The following THBS2 variants were observed in gnomAD, a reference collection of about 807,000 sequenced individuals.
The protein encoded by THBS2 is thrombospondin 2.
Under a neutral mutation model 135.2 loss-of-function variants are expected in THBS2, and 47 were observed. The observed-to-expected ratio is 0.35, with a 90% CI of 0.28 to 0.44. THBS2 has a LOEUF of 0.44. Among genes scored for constraint, THBS2 ranks in the 20% least tolerant of loss-of-function variants. THBS2 has a pLI of 1.00. For synonymous variants in THBS2, 639 were observed against 633.8 expected (o/e 1.01, Z -0.12); for missense variants, 1,288 against 1,603.1 (o/e 0.80, Z 3.36).
intron 13 of THBS2, among the ~76,000 whole-genome samples, chr6:169,231,162 G>A (rs1200552296): frequency 2.0e-5 from 3 of 152,132 alleles, no homozygotes. Flanking sequence ...AGTGGAATTA[G>A]GTCAAGGACA....
Position 169,248,837 on chromosome 6 carries a change from G to T in THBS2, c.189C>A (p.Ile63=), listed in dbSNP as rs772174981. ...PAYRFVRFDY[I]PPVNADDLSK... ...TGAGGTCATCTGCGTTCACCGGTGG[G>T]ATGTAGTCAAAGCGCACGAAGCGGT... The change falls in exon 3 of 22, where the codon ATC becomes ATA. Residue 63 remains isoleucine (I), a synonymous_variant. Coordinates refer to ENST00000617924, the MANE Select transcript of THBS2 (RefSeq NM_003247.5). The T allele has an allele frequency of 1.2e-6, 2 of 1,611,230 alleles. No individual in the cohort carries two copies. Among genetic ancestry groups the T allele is most frequent in the Admixed American group, 3.3e-5 (2 of 60,026 alleles).
At chr6:169,247,614 GTA>G (rs1328969495) in intron 3 of THBS2, among the ~76,000 whole-genome samples, 2 of 152,262 alleles carry the variant, frequency 1.3e-5, no homozygotes, top group South Asian at 2.1e-4. Flanking sequence ...GTGCACGTGT[GTA>G]TGTGTGTGTT....
intron 4 of THBS2, among the ~76,000 whole-genome samples, chr6:169,245,121 C>T (rs57365564): frequency 0.024 from 3,674 of 152,320 alleles, 143 homozygotes; most frequent in African/African-American, 0.082. Context: ...CGTGTGCACA[C>T]GGCCACACCG....
At chr6:169,232,442 A>G (rs1338458094) in intron 12 of THBS2, among the ~76,000 whole-genome samples, 1 of 151,788 alleles carries the variant, frequency 6.6e-6, no homozygotes, top group African/African-American at 2.4e-5. Flanking sequence ...AACAGCGGAG[A>G]GGTGGCGGCC....
At chr6:169,222,016 G>A (rs1464356669) in intron 19 of THBS2, among the ~76,000 whole-genome samples, 181 bp downstream of exon 19, 1 of 152,222 alleles carries the variant, frequency 6.6e-6, no homozygotes, top group Admixed American at 6.5e-5. Context: ...ATTATCAACT[G>A]TGTTGAGTTG....
Position 169,241,270 on chromosome 6 carries a change from G to A in THBS2, c.891+492C>T, listed in dbSNP as rs9505930. On this transcript the variant is annotated intron_variant, in intron 5 of 21. Transcript: ENST00000617924. This position sits in a 1 kb window ranked among gnomAD's most constrained non-coding sequence, Gnocchi z 5.5. ...GCCCGTCCTGAGCCCCGCAGGCATCGCTCTCTCTTCCTGGCCGCGCTGTGC... is the reference window on the plus strand; with the variant it reads ...GCCCGTCCTGAGCCCCGCAGGCATCACTCTCTCTTCCTGGCCGCGCTGTGC... 6.6e-6 allele frequency among the ~76,000 whole-genome samples: 1 copy of A among 152,176 alleles called. No homozygotes were observed. The highest frequency in any genetic ancestry group is 1.5e-5 in the Non-Finnish European group (1 of 68,002).
At position 169,234,173 on chromosome 6, in the gene THBS2, C is replaced by G. The variant is rs1779950465; in HGVS notation, c.1651+561G>C. On this transcript the variant is annotated intron_variant, in intron 10 of 21. Transcript: ENST00000617924. ...AACTACATATTCCAGACCACACAAC[C>G]ACCCAGATGCCACAGTCCACACCAC... 1.3e-5 allele frequency among the ~76,000 whole-genome samples: 2 copies of G among 150,954 alleles called. 1 individual carries two copies. The highest frequency in any genetic ancestry group is 3.0e-5 in the Non-Finnish European group (2 of 67,678).
At chr6:169,232,518 A>AGGTGCTCAGCTTCCCCGGGCC in intron 12 of THBS2, 146 bp downstream of exon 12, 1 of 1,352,716 alleles carries the variant, frequency 7.4e-7, no homozygotes, top group African/African-American at 1.5e-5. Context: ...CCAGCCGAGC[A>AGGTGCTCAGCTTCCCCGGGCC]GGTGCTCAGC....
intron 1 of THBS2, among the ~76,000 whole-genome samples, chr6:169,251,820 T>A (rs1780763237): frequency 1.6e-5 from 1 of 62,058 alleles, no homozygotes. Context: ...CCCACCCATC[T>A]GCTGCTGGGA....
Position 169,232,002 on chromosome 6 carries a change from T to C in THBS2, c.2129A>G (p.Asn710Ser). Residue 710 changes from asparagine (N) to serine (S), a missense_variant, in exon 13 of 22, where the codon AAC (asparagine) becomes AGC (serine). By Grantham distance (46) the Asn-to-Ser change is conservative. This residue lies in a region of THBS2 where 874 missense variants were observed against 1,156.1 expected (regional missense o/e 0.76). Coordinates refer to ENST00000617924, the MANE Select transcript of THBS2 (RefSeq NM_003247.5). ...WPNLNLVCAT[N>S]ATYHCIKDNC... is the part of the protein sequence containing the mutation. ...CACCTTGATGCAGTGGTAGGTGGCG[T>C]TGGTGGCGCAGACCAGATTGAGGTT... is the stretch of plus-strand genomic sequence containing the variant. The C allele has an allele frequency of 6.2e-7, 1 of 1,613,892 alleles. No individual in the cohort carries two copies. Among genetic ancestry groups the C allele is most frequent in the Non-Finnish European group, 8.5e-7 (1 of 1,179,924 alleles).
rs763393290 is a variant in THBS2 at position 169,232,112 on chromosome 6, G to A, written c.2019C>T (p.Asp673=). ...AECIYLGHFS[D]PMYKCECQTG... is the part of the protein sequence containing the mutation. ...TCTGGCACTCGCACTTGTACATGGG[G>A]TCGCTGAAGTGGCCCAGGTAGATGC... The change falls in exon 13 of 22, where the codon GAC becomes GAT. Residue 673 remains aspartate (D), a synonymous_variant. Transcript: ENST00000617924. The A allele has an allele frequency of 1.2e-6, 2 of 1,614,022 alleles. No individual in the cohort carries two copies. Among genetic ancestry groups the A allele is most frequent in the African/African-American group, 1.3e-5 (1 of 74,932 alleles).
Position 169,216,075 on chromosome 6 carries a change from T to C in THBS2, c.*1747A>G, listed in dbSNP as rs2114958476. ...CAGAAACAGAAAACCTGCACGCTGT[T>C]GACAGTCGCTACATTTAATGAAGTA... On this transcript the variant is annotated 3_prime_UTR_variant, in exon 22 of 22. Coordinates refer to ENST00000617924, the MANE Select transcript of THBS2 (RefSeq NM_003247.5). The C allele has an allele frequency of 6.6e-6, 1 of 152,362 alleles. No individual in the cohort carries two copies. The highest frequency in any genetic ancestry group is 1.9e-4 in the East Asian group (1 of 5,190). The allele number at this position is 152,362 out of a possible 1,614,324, so 9.4% of individuals were successfully genotyped here. A position where few individuals can be genotyped will look rare whatever the true frequency, so the allele number is the denominator to read the frequency against.
At chr6:169,227,389 G>A (rs753300798) in intron 15 of THBS2, among the ~76,000 whole-genome samples, 6 of 152,192 alleles carry the variant, frequency 3.9e-5, no homozygotes, top group Non-Finnish European at 7.3e-5. Flanking sequence ...CGAACTCTCC[G>A]GATAAAGCAG....
chr6:169,231,256 G>A (rs934688176), intron 13 of THBS2, among the ~76,000 whole-genome samples: 7 of 152,222 alleles, frequency 4.6e-5, no homozygotes, highest in African/African-American at 1.7e-4. Flanking sequence ...GGCAGAGGAA[G>A]TTTCCGGAGA....
rs1360207592 is a variant in THBS2, at chr6:169,248,479, G to A, written c.547C>T (p.Leu183=). 6.2e-7 allele frequency: 1 copy of A among 1,613,486 alleles called. No individual in the cohort carries two copies. Among genetic ancestry groups the A allele is most frequent in the Admixed American group, 1.7e-5 (1 of 60,022 alleles). The change falls in exon 3 of 22, where the codon CTG becomes TTG. Residue 183 remains leucine (L), a synonymous_variant. Coordinates refer to ENST00000617924, the MANE Select transcript of THBS2 (RefSeq NM_003247.5). The part of the protein sequence containing the change: ...FALDEPFYEH[L]QAEKSRMYVA... ...TACATCCGGCTCTTTTCCGCCTGCA[G>A]GTGCTCGTAGAAGGGCTCGTCCAGA... is the stretch of plus-strand genomic sequence containing the variant.
intron 15 of THBS2, among the ~76,000 whole-genome samples, chr6:169,227,379 C>T (rs1284596250): frequency 1.3e-5 from 2 of 152,200 alleles, no homozygotes; most frequent in South Asian, 2.1e-4. Context: ...CCAAGGCCAG[C>T]GAACTCTCCG....
chr6:169,237,470 C>T, intron 8 of THBS2, 124 bp from the exon 9 acceptor site: 4 of 1,487,316 alleles, frequency 2.7e-6, no homozygotes, highest in Non-Finnish European at 2.8e-6. Context: ...AGAACCCCTC[C>T]CATCAGCTGG....
chr6:169,234,985 G>A, intron 9 of THBS2, 78 bp from the exon 10 acceptor site: 1 of 1,414,176 alleles, frequency 7.1e-7, no homozygotes, highest in Non-Finnish European at 9.6e-7. Context: ...TGAGAGGGAA[G>A]AGCAGGTGGG....
intron 4 of THBS2, among the ~76,000 whole-genome samples, chr6:169,242,518 G>A (rs932702239): frequency 6.6e-6 from 1 of 151,526 alleles, no homozygotes; most frequent in Non-Finnish European, 1.5e-5. Flanking sequence ...GTCCCCTTGA[G>A]ACTGTGCCTT....
Sources: gnomAD v4.1 joint callset for allele counts (sites outside exome capture counted in the v4.1 genomes callset) on GRCh38, gnomAD v4.1.1 for gene constraint, gnomAD v4.1.1 regional missense constraint, Gnocchi (gnomAD v3.1) non-coding constraint, MANE v1.5 for transcripts, NCBI Gene and HGNC (gene_info 2026-07-23, HGNC 2026-07-21) for gene names.